The following PCDH15 variants were observed in gnomAD, a reference collection of about 807,000 sequenced individuals.
The protein encoded by PCDH15 is protocadherin-15.
A neutral mutation model predicts 178.5 loss-of-function variants in PCDH15; 129 were observed. That is an observed-to-expected ratio of 0.72 (90% confidence interval 0.63 to 0.84). The LOEUF (loss-of-function observed/expected upper bound fraction) is 0.84. Among genes scored for constraint, PCDH15 ranks in the 40% least tolerant of loss-of-function variants. The pLI is 0.00. For missense variants in PCDH15, 2,230 were observed against 2,099.9 expected (o/e 1.06, Z -1.21); for synonymous variants, 800 against 732.0 (o/e 1.09, Z -1.50).
At chr10:54,818,460 T>G (rs2133737519) in intron 3 of PCDH15, among the ~76,000 whole-genome samples, 1 of 152,148 alleles carries the variant, frequency 6.6e-6, no homozygotes, top group South Asian at 2.1e-4. Flanking sequence ...TCTATGCTGG[T>G]TTGTTATTCT....
intron 2 of PCDH15, among the ~76,000 whole-genome samples, chr10:55,607,838 T>C (rs558511775): frequency 1.4e-3 from 211 of 151,070 alleles, no homozygotes; most frequent in African/African-American, 4.6e-3. Context: ...GCATGGCACA[T>C]GTATACATAT....
chr10:54,642,850 T>C (rs1177514655), intron 2 of PCDH15, among the ~76,000 whole-genome samples: 1 of 152,206 alleles, frequency 6.6e-6, no homozygotes, highest in Non-Finnish European at 1.5e-5. Context: ...AAAATGACTT[T>C]GACCCAAGTT....
At chr10:54,089,310 T>C (rs1225268965) in intron 16 of PCDH15, among the ~76,000 whole-genome samples, 2 of 152,176 alleles carry the variant, frequency 1.3e-5, no homozygotes, top group African/African-American at 4.8e-5. Context: ...TATTCACAGG[T>C]ACACAGGAAA....
rs1565165733 is a variant in PCDH15, at chr10:55,463,971, AAGAGAAAGAAAGAAAGAAAGAG to A, written c.-156+163632_-156+163653del. On this transcript the variant is annotated intron_variant, in intron 2 of 5. Transcript: ENST00000613346. ...AAAGAAAGAAAGAAAGAAAGAAAGA[AAGAGAAAGAAAGAAAGAAAGAG>A]AAAGAAAGAAAGAAAGAAAGAAAGA... Among the ~76,000 whole-genome samples the A allele has an allele frequency of 6.4e-4, 13 of 20,160 alleles. 1 individual carries two copies. Among genetic ancestry groups the A allele is most frequent in the African/African-American group, 5.8e-3 (13 of 2,258 alleles). The allele number at this position is 20,160 out of a possible 152,430, so 13.2% of individuals were successfully genotyped here. A position where few individuals can be genotyped will look rare whatever the true frequency, so the allele number is the denominator to read the frequency against.
At chr10:55,330,838 ATGTGTGTG>A (rs71461291) in intron 2 of PCDH15, among the ~76,000 whole-genome samples, 7 of 144,614 alleles carry the variant, frequency 4.8e-5, no homozygotes, top group African/African-American at 1.5e-4. Flanking sequence ...AGATTTATTT[ATGTGTGTG>A]TGTGTGTGTG....
At chr10:55,234,286 A>G (rs1369366150) in intron 1 of PCDH15, among the ~76,000 whole-genome samples, 1 of 152,160 alleles carries the variant, frequency 6.6e-6, no homozygotes, top group African/African-American at 2.4e-5. Flanking sequence ...TGGTGTTGCT[A>G]CCAAATACTC....
chr10:54,267,024 A>C (rs1039930715), intron 8 of PCDH15, among the ~76,000 whole-genome samples: 3 of 151,936 alleles, frequency 2.0e-5, no homozygotes, highest in Admixed American at 6.6e-5. Flanking sequence ...TAGATGAAAA[A>C]ATCCTCAACA....
At chr10:53,904,468 C>CTTTTTT (rs10659966) in intron 25 of PCDH15, among the ~76,000 whole-genome samples, 1 of 144,074 alleles carries the variant, frequency 6.9e-6, no homozygotes. Context: ...TAGAAATAGT[C>CTTTTTT]TTTTTTTTTT....
intron 2 of PCDH15, among the ~76,000 whole-genome samples, chr10:55,016,877 C>A (rs923706032): frequency 6.6e-6 from 1 of 151,980 alleles, no homozygotes; most frequent in Non-Finnish European, 1.5e-5. Context: ...TCCTTCTAAT[C>A]ATATATTTTT....
intron 21 of PCDH15, among the ~76,000 whole-genome samples, chr10:53,968,760 G>A (rs987453805): frequency 6.6e-6 from 1 of 152,174 alleles, no homozygotes; most frequent in Non-Finnish European, 1.5e-5. Flanking sequence ...TGGACCTCCA[G>A]CAACTCCAAC....
chr10:55,562,673 T>A, intron 2 of PCDH15, among the ~76,000 whole-genome samples: 1 of 152,050 alleles, frequency 6.6e-6, no homozygotes, highest in East Asian at 1.9e-4. Flanking sequence ...AGTCATTAAC[T>A]ATTTATGTGA....
intron 1 of PCDH15, among the ~76,000 whole-genome samples, chr10:55,205,670 T>C (rs1200789365): frequency 6.6e-6 from 1 of 152,036 alleles, no homozygotes. Flanking sequence ...ACAGGATTCT[T>C]TCCTTCCTGT....
chr10:55,186,296 T>TA (rs536460037), intron 1 of PCDH15, among the ~76,000 whole-genome samples: 3 of 150,762 alleles, frequency 2.0e-5, no homozygotes, highest in South Asian at 2.1e-4. Context: ...GAACAATATT[T>TA]AAAAAAAAAC....
At chr10:55,422,663 T>C (rs1333654425) in intron 2 of PCDH15, among the ~76,000 whole-genome samples, 2 of 151,854 alleles carry the variant, frequency 1.3e-5, no homozygotes, top group African/African-American at 2.4e-5. Flanking sequence ...TAGCAGCTTA[T>C]TGAGTTCAGG....
At chr10:54,958,474 T>C (rs899494327) in intron 2 of PCDH15, among the ~76,000 whole-genome samples, 2 of 151,704 alleles carry the variant, frequency 1.3e-5, no homozygotes, top group Middle Eastern at 3.4e-3. Flanking sequence ...CCCAAAATAA[T>C]GAAAGAGAAC....
chr10:55,040,259 A>G (rs1840832638), intron 2 of PCDH15, among the ~76,000 whole-genome samples: 1 of 152,088 alleles, frequency 6.6e-6, no homozygotes. Flanking sequence ...ATGTAACTGA[A>G]GGACATTTTA....
At chr10:54,265,286 C>T (rs2057598789) in intron 8 of PCDH15, among the ~76,000 whole-genome samples, 1 of 151,980 alleles carries the variant, frequency 6.6e-6, no homozygotes, top group Non-Finnish European at 1.5e-5. Flanking sequence ...TGTGAAAGAA[C>T]AATACACACA....
intron 1 of PCDH15, among the ~76,000 whole-genome samples, chr10:54,699,508 T>TGATGATTTATTTTCTGTGATCA (rs946258715): frequency 1.1e-4 from 17 of 152,062 alleles, no homozygotes; most frequent in Non-Finnish European, 1.5e-4. Context: ...TTTTTTATTG[T>TGATGATTTATTTTCTGTGATCA]TCTATGATGA....
At chr10:54,571,522 A>G (rs1008939872) in intron 2 of PCDH15, among the ~76,000 whole-genome samples, 4 of 152,104 alleles carry the variant, frequency 2.6e-5, no homozygotes, top group Admixed American at 1.3e-4. Context: ...ATAACAACCG[A>G]AAAGGCAATG....
Sources: allele counts gnomAD v4.1 joint callset (sites outside exome capture counted in the v4.1 genomes callset), GRCh38; gene constraint gnomAD v4.1.1; transcripts MANE v1.5; gene names NCBI Gene and HGNC (gene_info 2026-07-23, HGNC 2026-07-21).